CCDC102B: variants seen among roughly 807,000 people sequenced by gnomAD.
CCDC102B encodes the protein coiled-coil domain-containing protein 102B.
CCDC102B carries 75 observed loss-of-function variants against 57.4 expected under a neutral mutation model. The observed-to-expected ratio is 1.31, with a 90% CI of 1.08 to 1.58. The LOEUF (loss-of-function observed/expected upper bound fraction) is 1.58, where lower values mean the gene tolerates loss of function less well. CCDC102B is among the 40% of genes most tolerant of loss of function. CCDC102B has a pLI of 0.00. For missense variants in CCDC102B, 636 were observed against 582.6 expected (o/e 1.09, Z -0.94); for synonymous variants, 206 against 201.9 (o/e 1.02, Z -0.17).
chr18:68,789,465 C>A (rs1391233846), intron 2 of CCDC102B, among the ~76,000 whole-genome samples: 1 of 152,090 alleles, frequency 6.6e-6, no homozygotes, highest in Non-Finnish European at 1.5e-5. Context: ...TTTCAGGTAC[C>A]CCAATCAGAC....
intron 4 of CCDC102B, among the ~76,000 whole-genome samples, chr18:68,854,121 A>G (rs1370810401): frequency 6.6e-6 from 1 of 150,602 alleles, no homozygotes; most frequent in Non-Finnish European, 1.5e-5. Flanking sequence ...TATTTTTGAG[A>G]CGGAGTTCCG....
chr18:68,911,894 A>G (rs571386809), intron 6 of CCDC102B, among the ~76,000 whole-genome samples: 1 of 119,340 alleles, frequency 8.4e-6, no homozygotes, highest in African/African-American at 3.1e-5. Flanking sequence ...GAAAACAAAA[A>G]AGTAAAAAAA....
At chr18:69,030,397 G>C (rs900676126) in intron 7 of CCDC102B, among the ~76,000 whole-genome samples, 1 of 152,122 alleles carries the variant, frequency 6.6e-6, no homozygotes, top group East Asian at 1.9e-4. Flanking sequence ...GAAATATCTG[G>C]AAAGATATGG....
At chr18:68,814,489 G>C (rs1334158367) in intron 1 of CCDC102B, among the ~76,000 whole-genome samples, 1 of 152,000 alleles carries the variant, frequency 6.6e-6, no homozygotes, top group African/African-American at 2.4e-5. Context: ...ATGTAGGTTA[G>C]TTCTTCATTC....
chr18:68,782,581 CT>C (rs1014735627), intron 2 of CCDC102B, among the ~76,000 whole-genome samples: 1 of 151,870 alleles, frequency 6.6e-6, no homozygotes, highest in Non-Finnish European at 1.5e-5. Context: ...ATATCCTCAG[CT>C]TTTTTCGATC....
At chr18:68,767,922 G>T (rs966303660) in intron 2 of CCDC102B, among the ~76,000 whole-genome samples, 1 of 151,942 alleles carries the variant, frequency 6.6e-6, no homozygotes, top group South Asian at 2.1e-4. Flanking sequence ...TGGATTTCCA[G>T]TCATTATGAT....
intron 2 of CCDC102B, among the ~76,000 whole-genome samples, chr18:68,727,711 C>T (rs2032661242): frequency 6.6e-6 from 1 of 152,230 alleles, no homozygotes; most frequent in Non-Finnish European, 1.5e-5. Context: ...GAATGGAGTG[C>T]CATGGCTCAG....
chr18:69,053,627 C>T (rs2052761203), intron 7 of CCDC102B, among the ~76,000 whole-genome samples: 1 of 151,620 alleles, frequency 6.6e-6, no homozygotes, highest in African/African-American at 2.4e-5. Flanking sequence ...AAGTTACTGT[C>T]ATACAAACAT....
At chr18:68,942,294 C>A (rs1488609412) in intron 6 of CCDC102B, among the ~76,000 whole-genome samples, 1 of 152,050 alleles carries the variant, frequency 6.6e-6, no homozygotes, top group Admixed American at 6.6e-5. Flanking sequence ...CCCCTCCACA[C>A]CTGTGGGCGT....
intron 6 of CCDC102B, among the ~76,000 whole-genome samples, chr18:68,907,624 T>G (rs1010142907): frequency 1.3e-5 from 2 of 152,238 alleles, no homozygotes; most frequent in Non-Finnish European, 1.5e-5. Context: ...CAACTAATTT[T>G]TGTGTGTTCA....
intron 2 of CCDC102B, among the ~76,000 whole-genome samples, chr18:68,756,899 GTGTGTC>G (rs1236547193): frequency 2.6e-5 from 4 of 151,972 alleles, no homozygotes; most frequent in African/African-American, 9.7e-5. Context: ...GTGTGTGTGT[GTGTGTC>G]TGTGTGTCTG....
intron 7 of CCDC102B, among the ~76,000 whole-genome samples, chr18:69,047,662 T>G (rs1041508206): frequency 2.6e-5 from 4 of 152,060 alleles, no homozygotes; most frequent in African/African-American, 7.2e-5. Context: ...TCCCAAAATC[T>G]CCTTGATCTG....
chr18:68,890,979 T>A (rs892555290), intron 5 of CCDC102B, among the ~76,000 whole-genome samples: 3 of 152,206 alleles, frequency 2.0e-5, no homozygotes, highest in Non-Finnish European at 2.9e-5. Flanking sequence ...AGGAATAGAA[T>A]TACTGGTTCA....
At chr18:68,891,155 A>G (rs1942285) in intron 5 of CCDC102B, among the ~76,000 whole-genome samples, 138,796 of 152,248 alleles carry the variant, frequency 0.91, 63,325 homozygotes, top group East Asian at 0.99. Context: ...TAACATTCTC[A>G]CAGACTTCTA....
At chr18:69,051,947 A>C (rs916897663) in intron 7 of CCDC102B, among the ~76,000 whole-genome samples, 1 of 151,970 alleles carries the variant, frequency 6.6e-6, no homozygotes, top group Non-Finnish European at 1.5e-5. Flanking sequence ...AAAATACAGA[A>C]TAACATTTTT....
chr18:68,827,625 G>A (rs1292309987), intron 1 of CCDC102B, among the ~76,000 whole-genome samples: 3 of 151,994 alleles, frequency 2.0e-5, no homozygotes, highest in East Asian at 3.9e-4. Context: ...ATTATAAAAT[G>A]GCAGATATAA....
intron 2 of CCDC102B, among the ~76,000 whole-genome samples, chr18:68,789,267 T>G (rs933616400): frequency 2.0e-5 from 3 of 152,128 alleles, no homozygotes; most frequent in African/African-American, 7.2e-5. Context: ...TTAACATTTT[T>G]TCCTTCATTT....
At chr18:69,033,610 T>C (rs2145450075) in intron 7 of CCDC102B, among the ~76,000 whole-genome samples, 1 of 152,216 alleles carries the variant, frequency 6.6e-6, no homozygotes, top group African/African-American at 2.4e-5. Context: ...TCTTGTAGCA[T>C]GGATCAATGC....
intron 2 of CCDC102B, among the ~76,000 whole-genome samples, chr18:68,725,566 C>A (rs920309007): frequency 2.0e-5 from 3 of 152,206 alleles, no homozygotes; most frequent in Admixed American, 1.3e-4. Flanking sequence ...TCTCCACCTA[C>A]ATTTCCTGAC....
Sources: gnomAD v4.1 joint callset for allele counts (sites outside exome capture counted in the v4.1 genomes callset) on GRCh38, gnomAD v4.1.1 for gene constraint, MANE v1.5 for transcripts, NCBI Gene and HGNC (gene_info 2026-07-23, HGNC 2026-07-21) for gene names.